Variants in SNX14 observed in about 807,000 individuals in gnomAD.
SNX14 encodes sorting nexin 14.
Under a neutral mutation model 133.8 loss-of-function variants are expected in SNX14, and 93 were observed. The ratio of observed to expected loss-of-function variants is 0.70; its 90% CI spans 0.59 to 0.83. The LOEUF is 0.83. Ranked by LOEUF, SNX14 falls within the 40% of genes least tolerant of loss-of-function variation. SNX14 has a pLI of 0.00. For missense variants in SNX14, 945 were observed against 1,094.9 expected (o/e 0.86, Z 1.93); for synonymous variants, 368 against 365.6 (o/e 1.01, Z -0.07).
At chr6:85,507,106 G>A in intron 28 of SNX14, 127 bp downstream of exon 28, 1 of 807,214 alleles carries the variant, frequency 1.2e-6, no homozygotes, top group Non-Finnish European at 2.0e-6. Context: ...GCAATTTGCT[G>A]AGGTTAATTT....
chr6:85,545,573 A>C (rs1785198969), intron 12 of SNX14, among the ~76,000 whole-genome samples: 2 of 152,228 alleles, frequency 1.3e-5, no homozygotes, highest in South Asian at 4.1e-4. Context: ...TAAAAGAATA[A>C]ATTCATTAAG....
At chr6:85,557,216 G>A (rs73481382) in intron 7 of SNX14, among the ~76,000 whole-genome samples, 1,920 of 152,204 alleles carry the variant, frequency 0.013, 39 homozygotes, top group African/African-American at 0.044. Flanking sequence ...TACCAAATGC[G>A]AATACAAGGA....
Position 85,547,406 on chromosome 6 carries a change from GAA to G in SNX14, c.913-11_913-10del. On this transcript the variant is annotated splice_polypyrimidine_tract_variant and intron_variant, in intron 10 of 28. Coordinates refer to ENST00000314673, the MANE Select transcript of SNX14 (RefSeq NM_153816.6). Reference sequence around the variant, plus strand: ...TCAGTTGCTTTTTCAGGCTTTGAAAGAAAGAGAATTATTAACTCAGTAAAATT... The same window carrying G: ...TCAGTTGCTTTTTCAGGCTTTGAAAGAGAGAATTATTAACTCAGTAAAATT... 6.2e-7 allele frequency: 1 copy of G among 1,612,072 alleles called. No homozygotes were observed. Among genetic ancestry groups the G allele is most frequent in the Non-Finnish European group, 8.5e-7 (1 of 1,179,532 alleles).
chr6:85,567,297 A>G (rs1289322874), intron 5 of SNX14, among the ~76,000 whole-genome samples: 1 of 152,198 alleles, frequency 6.6e-6, no homozygotes, highest in Non-Finnish European at 1.5e-5. Flanking sequence ...AGACATTTTT[A>G]TTGGTCACAA....
At position 85,565,484 on chromosome 6, in the gene SNX14, C is replaced by T. The variant is rs1295593604; in HGVS notation, c.462-65G>A. 5.6e-6 allele frequency: 7 copies of T among 1,254,662 alleles called. No homozygotes were observed. In the African/African-American group the frequency reaches 1.1e-4, roughly 19 times the overall value. 77.7% of individuals were successfully genotyped at this position (1,254,662 alleles called of 1,614,324 possible). A position where few individuals can be genotyped will look rare whatever the true frequency, so the allele number is the denominator to read the frequency against. On this transcript the variant is annotated intron_variant, in intron 5 of 28. Coordinates refer to ENST00000314673, the MANE Select transcript of SNX14 (RefSeq NM_153816.6). The stretch of plus-strand genomic sequence containing the variant: ...AAATACAGTTTCACCTTCTACAATC[C>T]AAGGGAAAATTTTCCTTTTTTCTGT...
At chr6:85,528,736 C>T (rs1192833740) in intron 19 of SNX14, among the ~76,000 whole-genome samples, 2 of 152,088 alleles carry the variant, frequency 1.3e-5, no homozygotes, top group East Asian at 3.8e-4. Flanking sequence ...AAGATAGCAT[C>T]TTGTCAATGC....
intron 23 of SNX14, 108 bp from the exon 24 acceptor site, chr6:85,514,737 A>T: frequency 9.0e-7 from 1 of 1,105,798 alleles, no homozygotes; most frequent in South Asian, 1.6e-5. Flanking sequence ...ACTTTTTCCA[A>T]TCAAAACAGA....
At chr6:85,539,835 C>T (rs1485568253) in intron 15 of SNX14, among the ~76,000 whole-genome samples, 1 of 151,852 alleles carries the variant, frequency 6.6e-6, no homozygotes, top group East Asian at 1.9e-4. Flanking sequence ...AAAATTAGTA[C>T]CTTAATATGC....
At chr6:85,575,059 G>A (rs1286691457) in intron 1 of SNX14, among the ~76,000 whole-genome samples, 1 of 152,148 alleles carries the variant, frequency 6.6e-6, no homozygotes, top group African/African-American at 2.4e-5. Context: ...AAGAGGCAGG[G>A]GAATTCAAAC....
At chr6:85,582,482 G>C (rs765375728) in intron 1 of SNX14, among the ~76,000 whole-genome samples, 1 of 151,276 alleles carries the variant, frequency 6.6e-6, no homozygotes, top group Middle Eastern at 3.2e-3. Context: ...AAAAGCAATG[G>C]ATCCAGGAGC....
intron 21 of SNX14, 102 bp from the exon 22 acceptor site, chr6:85,518,150 T>C: frequency 1.1e-6 from 1 of 922,896 alleles, no homozygotes; most frequent in Non-Finnish European, 1.7e-6. Context: ...AATAGCCAAG[T>C]TAAAACTGTA....
rs9444352 is a variant in SNX14, at chr6:85,547,817, C to A, written c.868-267G>T. On this transcript the variant is annotated intron_variant, in intron 9 of 28. Coordinates refer to ENST00000314673, the MANE Select transcript of SNX14 (RefSeq NM_153816.6). ...TAAATCATTCTTGTTTCTTCAAAAT[C>A]TCACTGGATCAAAGGTAGAAGCATC... 0.45 allele frequency among the ~76,000 whole-genome samples: 68,991 copies of A among 152,066 alleles called. 17,380 individuals are homozygous for A. Among genetic ancestry groups the A allele is most frequent in the Middle Eastern group, 0.59 (174 of 294 alleles).
chr6:85,548,178 G>A, intron 9 of SNX14, 123 bp downstream of exon 9: 1 of 673,782 alleles, frequency 1.5e-6, no homozygotes, highest in Non-Finnish European at 2.5e-6. Context: ...GGGGAATGGG[G>A]ATGGTTGCAC....
At position 85,572,163 on chromosome 6, in the gene SNX14, A is replaced by C. The variant is rs764047793; in HGVS notation, c.391T>G (p.Ser131Ala). ...YQPWLDLKIS[S>A]KVDASLSEVL... ...TCTGAGAGAGATGCATCAACCTTGGAAGAAATTTTCAGGTCTAGCCATGGC... is the reference window on the plus strand; with the variant it reads ...TCTGAGAGAGATGCATCAACCTTGGCAGAAATTTTCAGGTCTAGCCATGGC... The change falls in exon 4 of 29, where the codon TCC becomes GCC. Residue 131 changes from serine to alanine, a missense_variant. By Grantham distance (99) the Ser-to-Ala change is moderately conservative (BLOSUM62 1). Around this residue, in one of 3 missense-constraint regions of SNX14, gnomAD observed 514 missense variants for 538.8 expected, o/e 0.95. Transcript: ENST00000314673. The C allele has an allele frequency of 1.9e-6, 3 of 1,613,758 alleles. No homozygotes were observed. Among genetic ancestry groups the C allele is most frequent in the Admixed American group, 3.3e-5 (2 of 60,018 alleles).
intron 21 of SNX14, among the ~76,000 whole-genome samples, chr6:85,522,854 C>T (rs1469030128): frequency 6.6e-6 from 1 of 152,144 alleles, no homozygotes; most frequent in Non-Finnish European, 1.5e-5. Flanking sequence ...CAGCTGATTC[C>T]CTCTTTCATG....
Position 85,577,287 on chromosome 6 carries a change from G to A in SNX14, c.141-2909C>T, listed in dbSNP as rs527513347. Among the ~76,000 whole-genome samples the A allele has an allele frequency of 2.9e-4, 44 of 152,118 alleles. 1 individual carries two copies. In the East Asian group the frequency reaches 5.0e-3, roughly 17 times the overall value. On this transcript the variant is annotated intron_variant, in intron 1 of 28. Coordinates refer to ENST00000314673, the MANE Select transcript of SNX14 (RefSeq NM_153816.6). ...ATAAAAATTGGCTGGGCATGGTGGCGCATGCCTGTAATCCCAGCTACTAGG... is the reference window on the plus strand; with the variant it reads ...ATAAAAATTGGCTGGGCATGGTGGCACATGCCTGTAATCCCAGCTACTAGG...
At chr6:85,521,821 A>T (rs1049710083) in intron 21 of SNX14, among the ~76,000 whole-genome samples, 1 of 152,178 alleles carries the variant, frequency 6.6e-6, no homozygotes, top group Non-Finnish European at 1.5e-5. Context: ...TGCCTAGACT[A>T]AAGTCGAGAA....
At chr6:85,513,666 AT>A in intron 26 of SNX14, 133 bp downstream of exon 26, 1 of 650,590 alleles carries the variant, frequency 1.5e-6, no homozygotes, top group Non-Finnish European at 2.6e-6. Context: ...TAGTGTGTTA[AT>A]TTTAACTGAT....
chr6:85,591,245 T>A (rs912197346), intron 1 of SNX14, among the ~76,000 whole-genome samples: 1 of 151,976 alleles, frequency 6.6e-6, no homozygotes, highest in Non-Finnish European at 1.5e-5. Flanking sequence ...TGTACGTGAA[T>A]ACACACATAA....
Sources: allele counts gnomAD v4.1 joint callset (sites outside exome capture counted in the v4.1 genomes callset), GRCh38; gene constraint gnomAD v4.1.1; regional missense constraint gnomAD v4.1.1; transcripts MANE v1.5; gene names NCBI Gene and HGNC (gene_info 2026-07-23, HGNC 2026-07-21).